ALK: variants seen among roughly 807,000 people sequenced by gnomAD.
The protein encoded by ALK is ALK receptor tyrosine kinase, also known as ALK tyrosine kinase receptor.
Under a neutral mutation model 163.1 loss-of-function variants are expected in ALK, and 74 were observed. The ratio of observed to expected loss-of-function variants is 0.45; its 90% CI spans 0.38 to 0.55. ALK has a LOEUF of 0.55. ALK is among the 20% of genes least tolerant of loss of function. The pLI is 0.00. For missense variants in ALK, 2,063 were observed against 2,105.3 expected (o/e 0.98, Z 0.39); for synonymous variants, 960 against 843.2 (o/e 1.14, Z -2.40).
intron 4 of ALK, among the ~76,000 whole-genome samples, chr2:29,433,329 T>C (rs537065736): frequency 1.3e-5 from 2 of 152,254 alleles, no homozygotes; most frequent in South Asian, 4.1e-4. Flanking sequence ...TCTGTATTTC[T>C]AACAAGCTCC....
At chr2:29,726,436 C>G (rs1679578323) in intron 1 of ALK, among the ~76,000 whole-genome samples, 1 of 152,150 alleles carries the variant, frequency 6.6e-6, no homozygotes, top group East Asian at 1.9e-4. Context: ...CACAAAGACA[C>G]AAAGACAGGG....
At chr2:29,850,630 A>G (rs1665966654) in intron 1 of ALK, among the ~76,000 whole-genome samples, 1 of 152,100 alleles carries the variant, frequency 6.6e-6, no homozygotes, top group Admixed American at 6.5e-5. Context: ...GGATAGCTTC[A>G]TTTGGGGTCA....
intron 3 of ALK, among the ~76,000 whole-genome samples, chr2:29,640,831 T>C (rs1676680715): frequency 6.6e-6 from 1 of 152,060 alleles, no homozygotes; most frequent in Non-Finnish European, 1.5e-5. Context: ...AAGGGGTCCA[T>C]ATGGGGTGTT....
intron 4 of ALK, among the ~76,000 whole-genome samples, chr2:29,485,809 T>A (rs940456738): frequency 2.6e-5 from 4 of 152,146 alleles, no homozygotes; most frequent in African/African-American, 9.7e-5. Context: ...GTCTGAGTCA[T>A]AAGACATTGT....
chr2:29,366,499 C>A (rs966480127), intron 5 of ALK, among the ~76,000 whole-genome samples: 1 of 152,004 alleles, frequency 6.6e-6, no homozygotes, highest in African/African-American at 2.4e-5. Flanking sequence ...GAGAGGGGCC[C>A]AGAGGTGGTC....
rs1665407439 is a variant in ALK at position 29,831,260 on chromosome 2, GA to G, written c.667+88732del. On this transcript the variant is annotated intron_variant, in intron 1 of 28. Transcript: ENST00000389048. Reference sequence around the variant, plus strand: ...GGAAGAAGAAGAGGAAGAGGAAGAGGAAGAAGAAGAAGAAGAAGAAGAAGAA... The same window carrying G: ...GGAAGAAGAAGAGGAAGAGGAAGAGGAGAAGAAGAAGAAGAAGAAGAAGAA... Among the ~76,000 whole-genome samples, 6 of 51,462 alleles carry G rather than the reference GA, an allele frequency of 1.2e-4. 1 individual carries two copies. The South Asian group carries it at 3.0e-3, about 26-fold the overall frequency. The allele number at this position is 51,462 out of a possible 152,430, so 33.8% of individuals were successfully genotyped here. A position where few individuals can be genotyped will look rare whatever the true frequency, so the allele number is the denominator to read the frequency against.
At chr2:29,521,744 A>G (rs936325250) in intron 4 of ALK, among the ~76,000 whole-genome samples, 1 of 152,244 alleles carries the variant, frequency 6.6e-6, no homozygotes, top group Non-Finnish European at 1.5e-5. Context: ...CATCAGCTCC[A>G]GTTGCCTGGA....
intron 3 of ALK, among the ~76,000 whole-genome samples, chr2:29,614,496 A>T (rs932844946): frequency 6.6e-6 from 1 of 152,150 alleles, no homozygotes; most frequent in African/African-American, 2.4e-5. Context: ...CCCTCTCTGT[A>T]GACTGACAGC....
At chr2:29,233,235 T>C (rs1490994793) in intron 14 of ALK, among the ~76,000 whole-genome samples, 1 of 152,184 alleles carries the variant, frequency 6.6e-6, no homozygotes, top group Non-Finnish European at 1.5e-5. Flanking sequence ...CTTGAACTCC[T>C]GGGTTCAAAT....
chr2:29,393,930 T>C (rs1433257842), intron 4 of ALK, among the ~76,000 whole-genome samples: 1 of 152,214 alleles, frequency 6.6e-6, no homozygotes. Context: ...AAACAAATCT[T>C]AAAAACCCGG....
intron 1 of ALK, among the ~76,000 whole-genome samples, chr2:29,847,793 A>G (rs1284394827): frequency 6.6e-6 from 1 of 151,968 alleles, no homozygotes; most frequent in African/African-American, 2.4e-5. Context: ...GGGAAGGGGT[A>G]AAAAAAGAGA....
In ALK at chr2:29,530,738, G is replaced by C. The variant is rs187772092; in HGVS notation, c.1154+1177C>G. ...CTGGTCCCAAACAAGGGGCAGCCCA[G>C]ACACCTGCTATGCCACACTGATATC... is the stretch of plus-strand genomic sequence containing the variant. On this transcript the variant is annotated intron_variant, in intron 4 of 28. Coordinates refer to ENST00000389048, the MANE Select transcript of ALK (RefSeq NM_004304.5). Among the ~76,000 whole-genome samples, 770 of 152,310 alleles carry C rather than the reference G, an allele frequency of 5.1e-3. 16 individuals carry two copies. Among genetic ancestry groups the C allele is most frequent in the Non-Finnish European group, 3.7e-3 (249 of 68,018 alleles).
At chr2:29,633,571 G>GAA (rs901263792) in intron 3 of ALK, among the ~76,000 whole-genome samples, 1 of 150,822 alleles carries the variant, frequency 6.6e-6, no homozygotes, top group Admixed American at 6.6e-5. Flanking sequence ...TAAATATAGA[G>GAA]AAAAAAATCA....
intron 1 of ALK, among the ~76,000 whole-genome samples, chr2:29,912,181 A>G (rs1667722066): frequency 1.3e-5 from 2 of 152,192 alleles, no homozygotes; most frequent in African/African-American, 2.4e-5. Context: ...GGTGCAGGAA[A>G]AAAAGGAGAA....
At chr2:29,805,123 C>T (rs981745370) in intron 1 of ALK, among the ~76,000 whole-genome samples, 2 of 152,138 alleles carry the variant, frequency 1.3e-5, no homozygotes, top group African/African-American at 4.8e-5. Flanking sequence ...CACTGTGAAA[C>T]AACTCATCAC....
chr2:29,376,156 T>A (rs978659947), intron 5 of ALK, among the ~76,000 whole-genome samples: 1 of 151,040 alleles, frequency 6.6e-6, no homozygotes, highest in Non-Finnish European at 1.5e-5. Context: ...TCCAAGCTTG[T>A]GATAAGCCTG....
intron 3 of ALK, among the ~76,000 whole-genome samples, chr2:29,676,087 A>G (rs894514352): frequency 2.6e-5 from 4 of 151,976 alleles, no homozygotes; most frequent in African/African-American, 7.2e-5. Context: ...TTGTTTATAT[A>G]TTATGGATAC....
intron 3 of ALK, among the ~76,000 whole-genome samples, chr2:29,571,033 A>G (rs1416535885): frequency 6.6e-6 from 1 of 152,180 alleles, no homozygotes; most frequent in Admixed American, 6.5e-5. Flanking sequence ...GTTGGAGGAG[A>G]GAAAAATAGA....
At chr2:29,716,194 A>G (rs1385865979) in intron 2 of ALK, among the ~76,000 whole-genome samples, 1 of 152,230 alleles carries the variant, frequency 6.6e-6, no homozygotes, top group Non-Finnish European at 1.5e-5. Context: ...CACCAGGTTT[A>G]TAAATACTTA....
Sources: gnomAD v4.1 joint callset for allele counts (sites outside exome capture counted in the v4.1 genomes callset) on GRCh38, gnomAD v4.1.1 for gene constraint, MANE v1.5 for transcripts, NCBI Gene and HGNC (gene_info 2026-07-23, HGNC 2026-07-21) for gene names.